IMMP2L: variants seen among roughly 807,000 people sequenced by gnomAD.
IMMP2L encodes the protein mitochondrial inner membrane protease subunit 2.
In IMMP2L, 18 loss-of-function variants were observed where a neutral mutation model predicts 19.3. That is an observed-to-expected ratio of 0.93 (90% CI 0.64 to 1.38). The LOEUF (loss-of-function observed/expected upper bound fraction) is 1.38, where lower values mean the gene tolerates loss of function less well. IMMP2L is among the 40% of genes most tolerant of loss of function. The probability of loss-of-function intolerance (pLI) is 0.00; values close to 1 mark genes in which losing one functional copy is unlikely to be tolerated. For missense variants in IMMP2L, 233 were observed against 218.2 expected, an observed-to-expected ratio of 1.07 and a Z score of -0.43; for synonymous variants, 76 against 73.0, an observed-to-expected ratio of 1.04 and a Z score of -0.21.
chr7:110,978,117 A>T (rs1820892609), intron 3 of IMMP2L, among the ~76,000 whole-genome samples: 1 of 152,040 alleles, frequency 6.6e-6, no homozygotes, highest in Non-Finnish European at 1.5e-5. Context: ...AGCACAATTT[A>T]AAAAGTCTGA....
chr7:110,805,062 A>G (rs1472660569), intron 5 of IMMP2L, among the ~76,000 whole-genome samples: 1 of 152,150 alleles, frequency 6.6e-6, no homozygotes, highest in Non-Finnish European at 1.5e-5. Context: ...TAATATTACC[A>G]TAGATGCTAC....
At chr7:111,503,891 T>C (rs901800582) in intron 2 of IMMP2L, among the ~76,000 whole-genome samples, 16 of 152,200 alleles carry the variant, frequency 1.1e-4, no homozygotes, top group Admixed American at 8.5e-4. Flanking sequence ...ACTGGAAGCA[T>C]TCCCTTTGAA....
chr7:110,770,444 C>T (rs767123111), intron 5 of IMMP2L, among the ~76,000 whole-genome samples: 8 of 152,164 alleles, frequency 5.3e-5, no homozygotes, highest in Non-Finnish European at 1.2e-4. Flanking sequence ...TATTTTATTT[C>T]ATGAACTTTT....
chr7:111,161,470 A>C (rs1163974482), intron 3 of IMMP2L, among the ~76,000 whole-genome samples: 3 of 152,034 alleles, frequency 2.0e-5, no homozygotes, highest in Non-Finnish European at 4.4e-5. Context: ...AACATTCTAT[A>C]AGAAAAAATT....
chr7:110,962,993 T>G (rs995257747), intron 4 of IMMP2L: 13 of 1,494,022 alleles, frequency 8.7e-6, no homozygotes, highest in Non-Finnish European at 1.1e-5. Flanking sequence ...AAAGGCTGCT[T>G]AAACACCTGA....
chr7:111,189,568 A>T (rs1808646489), intron 3 of IMMP2L, among the ~76,000 whole-genome samples: 2 of 152,094 alleles, frequency 1.3e-5, no homozygotes, highest in African/African-American at 4.8e-5. Flanking sequence ...CTGAAAAAAA[A>T]AATAAATAAA....
chr7:111,407,064 A>C (rs1177307035), intron 3 of IMMP2L, among the ~76,000 whole-genome samples: 2 of 152,076 alleles, frequency 1.3e-5, no homozygotes, highest in South Asian at 4.1e-4. Flanking sequence ...ACACATAAAT[A>C]TGTGTTTTAG....
chr7:111,471,804 T>C (rs1334954905), intron 3 of IMMP2L, among the ~76,000 whole-genome samples: 1 of 152,040 alleles, frequency 6.6e-6, no homozygotes, highest in Non-Finnish European at 1.5e-5. Context: ...AAAGGTTCCA[T>C]CACAGCCAGC....
At chr7:111,506,880 C>T (rs1844962746) in intron 2 of IMMP2L, among the ~76,000 whole-genome samples, 1 of 152,134 alleles carries the variant, frequency 6.6e-6, no homozygotes, top group Non-Finnish European at 1.5e-5. Context: ...CTCACGGTGT[C>T]ACCCAGGCTG....
intron 3 of IMMP2L, among the ~76,000 whole-genome samples, chr7:111,460,041 A>G (rs1335741805): frequency 6.6e-6 from 1 of 152,118 alleles, no homozygotes; most frequent in African/African-American, 2.4e-5. Context: ...AGGCCCCAGA[A>G]GACAACTAAA....
chr7:110,988,520 G>T (rs1026657544), intron 3 of IMMP2L, among the ~76,000 whole-genome samples: 8 of 152,222 alleles, frequency 5.3e-5, no homozygotes, highest in African/African-American at 1.9e-4. Flanking sequence ...GGAAGAAAAG[G>T]AAAGCACCGA....
chr7:110,821,922 CA>C (rs916914301), intron 5 of IMMP2L, among the ~76,000 whole-genome samples: 1 of 151,044 alleles, frequency 6.6e-6, no homozygotes, highest in South Asian at 2.1e-4. Flanking sequence ...ACTCTTGTCT[CA>C]AAAAAAAGGT....
intron 3 of IMMP2L, among the ~76,000 whole-genome samples, chr7:111,442,728 T>C (rs1837869955): frequency 6.6e-6 from 1 of 151,862 alleles, no homozygotes; most frequent in African/African-American, 2.4e-5. Context: ...CATGATACTA[T>C]AATGTTAAAT....
chr7:111,192,322 C>A (rs1808974683), intron 3 of IMMP2L, among the ~76,000 whole-genome samples: 1 of 152,018 alleles, frequency 6.6e-6, no homozygotes, highest in Admixed American at 6.6e-5. Context: ...GTATAAGGAA[C>A]TCCAATAAAG....
intron 3 of IMMP2L, among the ~76,000 whole-genome samples, chr7:111,207,237 T>A (rs1327778943): frequency 6.6e-6 from 1 of 152,166 alleles, no homozygotes; most frequent in Admixed American, 6.5e-5. Flanking sequence ...AAATAGGCTG[T>A]CTTGGTTAAG....
At chr7:111,230,414 AAAG>A (rs2129623988) in intron 3 of IMMP2L, among the ~76,000 whole-genome samples, 1 of 152,210 alleles carries the variant, frequency 6.6e-6, no homozygotes, top group South Asian at 2.1e-4. Context: ...AGAAATGCAG[AAAG>A]AAGTGCAACA....
At chr7:111,071,361 T>C (rs1794933644) in intron 3 of IMMP2L, among the ~76,000 whole-genome samples, 1 of 152,132 alleles carries the variant, frequency 6.6e-6, no homozygotes, top group Non-Finnish European at 1.5e-5. Flanking sequence ...AGGATTACCA[T>C]ATAAGCCAGT....
At chr7:111,452,639 A>T (rs1266275094) in intron 3 of IMMP2L, among the ~76,000 whole-genome samples, 2 of 152,152 alleles carry the variant, frequency 1.3e-5, no homozygotes, top group Non-Finnish European at 2.9e-5. Context: ...ACATCCGTTG[A>T]CTTCCTGTTC....
At chr7:110,717,397 G>A (rs762429780) in intron 5 of IMMP2L, among the ~76,000 whole-genome samples, 10 of 152,188 alleles carry the variant, frequency 6.6e-5, no homozygotes, top group Non-Finnish European at 1.0e-4. Flanking sequence ...CCCAGGAGGC[G>A]GAGCTTGCAG....
Sources: gnomAD v4.1 joint callset for allele counts (sites outside exome capture counted in the v4.1 genomes callset) on GRCh38, gnomAD v4.1.1 for gene constraint, MANE v1.5 for transcripts, NCBI Gene and HGNC (gene_info 2026-07-23, HGNC 2026-07-21) for gene names.